The following SLC24A2 variants were observed in gnomAD, a reference collection of about 807,000 sequenced individuals.
The protein encoded by SLC24A2 is sodium/potassium/calcium exchanger 2.
A neutral mutation model predicts 62.0 loss-of-function variants in SLC24A2; 36 were observed. The ratio of observed to expected loss-of-function variants is 0.58; its 90% confidence interval spans 0.44 to 0.77. The LOEUF is 0.77. Among genes scored for constraint, SLC24A2 ranks in the 30% least tolerant of loss-of-function variants. The pLI, the probability that SLC24A2 is intolerant of heterozygous loss-of-function variation, is 0.00. For missense variants in SLC24A2, 846 were observed against 817.9 expected (o/e 1.03, Z -0.42); for synonymous variants, 358 against 294.0 (o/e 1.22, Z -2.23).
At chr9:20,271,213 T>C in the SLC24A2 span, among the ~76,000 whole-genome samples, 1 of 152,192 alleles carries the variant, frequency 6.6e-6, no homozygotes, top group Non-Finnish European at 1.5e-5. Flanking sequence ...ATTTCGAAGA[T>C]GTTGTCTGTG....
chr9:20,156,568 C>G, the SLC24A2 span, among the ~76,000 whole-genome samples: 4 of 151,764 alleles, frequency 2.6e-5, no homozygotes, highest in African/African-American at 9.7e-5. Flanking sequence ...TTTTATTCAT[C>G]AACTCTTCAC....
chr9:19,820,062 T>TATAC, the SLC24A2 span, among the ~76,000 whole-genome samples: 3 of 129,264 alleles, frequency 2.3e-5, no homozygotes, highest in Non-Finnish European at 4.8e-5. Context: ...TATACACATA[T>TATAC]ATATATATAT....
chr9:19,827,999 G>A, the SLC24A2 span, among the ~76,000 whole-genome samples: 1 of 152,154 alleles, frequency 6.6e-6, no homozygotes, highest in African/African-American at 2.4e-5. Flanking sequence ...GAGGCTTCAT[G>A]ACAGAAAGCA....
chr9:19,508,196 G>C lies in SLC24A2; in HGVS notation c.*7957C>G, dbSNP rs982980963. ...AAGAAATATCAAGGCTAGATGCAGG[G>C]TATATATGTGTACTTTGTGTTCAGG... On this transcript the variant is annotated 3_prime_UTR_variant, in exon 11 of 11. Transcript: ENST00000341998. 6.6e-6 allele frequency: 1 copy of C among 152,126 alleles called. No homozygotes were observed. 9.4% of individuals were successfully genotyped at this position (152,126 alleles called of 1,614,324 possible).
chr9:19,846,836 G>A, the SLC24A2 span, among the ~76,000 whole-genome samples: 1 of 152,022 alleles, frequency 6.6e-6, no homozygotes. Context: ...GTAACAGCAT[G>A]AGAAACATAG....
At chr9:19,669,126 AAG>A (rs1264289839) in intron 2 of SLC24A2, among the ~76,000 whole-genome samples, 3 of 152,196 alleles carry the variant, frequency 2.0e-5, no homozygotes, top group Admixed American at 2.0e-4. Flanking sequence ...AGAAGAGAAT[AAG>A]AGGGAAAAGC....
chr9:20,051,657 C>CTCTTTTTTTTTTTTTTTT, the SLC24A2 span, among the ~76,000 whole-genome samples: 3 of 73,508 alleles, frequency 4.1e-5, no homozygotes, highest in Non-Finnish European at 7.2e-5. Flanking sequence ...TTTTCTTTCT[C>CTCTTTTTTTTTTTTTTTT]TTTTTTTTTT....
At chr9:19,983,892 G>A in the SLC24A2 span, among the ~76,000 whole-genome samples, 1 of 152,150 alleles carries the variant, frequency 6.6e-6, no homozygotes, top group African/African-American at 2.4e-5. Context: ...GACATTCCAT[G>A]TTCATGAATT....
chr9:19,715,805 C>T lies in SLC24A2; in HGVS notation c.930+70132G>A, dbSNP rs142500568. The stretch of plus-strand genomic sequence containing the variant: ...CAAAGCCTAAAACCAGGCAAAGTAC[C>T]TAGCAGAAAATACCCATGCATTATT... On this transcript the variant is annotated intron_variant, in intron 2 of 10. Coordinates refer to ENST00000341998, the MANE Select transcript of SLC24A2 (RefSeq NM_020344.4). 5.3e-5 allele frequency among the ~76,000 whole-genome samples: 8 copies of T among 152,284 alleles called. No individual in the cohort carries two copies. In the East Asian group the frequency reaches 1.5e-3, roughly 29 times the overall value.
the SLC24A2 span, among the ~76,000 whole-genome samples, chr9:20,032,318 A>G: frequency 6.6e-6 from 1 of 152,190 alleles, no homozygotes; most frequent in African/African-American, 2.4e-5. Context: ...TGTATATTTG[A>G]CCCACAGCAA....
At chr9:20,125,958 A>T in the SLC24A2 span, among the ~76,000 whole-genome samples, 1 of 152,098 alleles carries the variant, frequency 6.6e-6, no homozygotes, top group Non-Finnish European at 1.5e-5. Flanking sequence ...CTGGGAGGGG[A>T]GGGCTGGTGC....
intron 2 of SLC24A2, among the ~76,000 whole-genome samples, chr9:19,661,848 A>G (rs532991942): frequency 6.6e-6 from 1 of 152,332 alleles, no homozygotes; most frequent in African/African-American, 2.4e-5. Flanking sequence ...CTATCAACCT[A>G]TGTGAGTGTA....
the SLC24A2 span, among the ~76,000 whole-genome samples, chr9:20,278,231 T>A: frequency 6.6e-6 from 1 of 152,164 alleles, no homozygotes; most frequent in Non-Finnish European, 1.5e-5. Context: ...ACTTAAAGTA[T>A]AATAAAAAAA....
chr9:19,902,414 T>G, the SLC24A2 span, among the ~76,000 whole-genome samples: 1 of 152,162 alleles, frequency 6.6e-6, no homozygotes, highest in African/African-American at 2.4e-5. Flanking sequence ...AACAGATGAA[T>G]CCTGCCCTGA....
chr9:20,124,633 C>G, the SLC24A2 span, among the ~76,000 whole-genome samples: 2 of 152,148 alleles, frequency 1.3e-5, no homozygotes, highest in Non-Finnish European at 2.9e-5. Flanking sequence ...CTCACCTACC[C>G]ACTTCTCATG....
the SLC24A2 span, among the ~76,000 whole-genome samples, chr9:19,992,219 G>A: frequency 2.6e-5 from 4 of 152,266 alleles, no homozygotes; most frequent in South Asian, 4.2e-4. Flanking sequence ...ATACCGGGGG[G>A]ATGTCCAATA....
At chr9:19,725,565 A>C (rs1455655861) in intron 2 of SLC24A2, among the ~76,000 whole-genome samples, 1 of 152,186 alleles carries the variant, frequency 6.6e-6, no homozygotes, top group Non-Finnish European at 1.5e-5. Flanking sequence ...TATATACAGC[A>C]CAGCATTTTT....
the SLC24A2 span, among the ~76,000 whole-genome samples, chr9:19,815,942 C>A: frequency 5.5e-5 from 8 of 144,380 alleles, no homozygotes; most frequent in Admixed American, 7.1e-5. Context: ...GTGTGATTAT[C>A]CATGTATTTT....
chr9:19,866,758 T>C, the SLC24A2 span, among the ~76,000 whole-genome samples: 9,429 of 150,776 alleles, frequency 0.063, 443 homozygotes, highest in East Asian at 0.22. Context: ...TGCCTCAGCC[T>C]CCTGAGTAGC....
Sources: allele counts gnomAD v4.1 joint callset (sites outside exome capture counted in the v4.1 genomes callset), GRCh38; gene constraint gnomAD v4.1.1; transcripts MANE v1.5; gene names NCBI Gene and HGNC (gene_info 2026-07-23, HGNC 2026-07-21).